Variants in DISC1 observed in about 807,000 individuals in gnomAD.
DISC1 encodes the protein DISC1 scaffold protein.
Under a neutral mutation model 84.5 loss-of-function variants are expected in DISC1, and 57 were observed. That is an observed-to-expected ratio of 0.67 (90% CI 0.55 to 0.84). The LOEUF is 0.84. DISC1 is among the 40% of genes least tolerant of loss of function. The pLI, the probability that DISC1 is intolerant of heterozygous loss-of-function variation, is 0.00. For synonymous variants in DISC1, 411 were observed against 415.2 expected (o/e 0.99, Z 0.12); for missense variants, 1,000 against 1,057.8 (o/e 0.95, Z 0.76).
intron 8 of DISC1, among the ~76,000 whole-genome samples, chr1:231,803,426 T>C (rs151177425): frequency 0.013 from 1,961 of 152,254 alleles, 36 homozygotes; most frequent in African/African-American, 0.044. Flanking sequence ...GTGACTTAGC[T>C]GGGTGGCTCT....
intron 3 of DISC1, among the ~76,000 whole-genome samples, chr1:231,742,231 G>T (rs2073374369): frequency 6.6e-6 from 1 of 152,126 alleles, no homozygotes; most frequent in Admixed American, 6.5e-5. Context: ...AGCTCCCTCT[G>T]CCTGGAATAT....
chr1:231,771,214 G>A (rs1170290409), intron 6 of DISC1, 144 bp downstream of exon 6: 1 of 1,450,162 alleles, frequency 6.9e-7, no homozygotes, highest in African/African-American at 1.4e-5. Context: ...GTTTTGGGTG[G>A]GAAAATTCTT....
intron 9 of DISC1, among the ~76,000 whole-genome samples, chr1:231,883,568 C>T (rs2086450513): frequency 6.6e-6 from 1 of 152,112 alleles, no homozygotes; most frequent in Non-Finnish European, 1.5e-5. Flanking sequence ...CTGAAGGCCT[C>T]AAGGGGCCAC....
chr1:231,959,811 G>A (rs968906080), intron 10 of DISC1, among the ~76,000 whole-genome samples: 19 of 152,198 alleles, frequency 1.2e-4, no homozygotes, highest in African/African-American at 4.6e-4. Flanking sequence ...CAGGTGGTTA[G>A]CAGAGGTGAG....
At chr1:231,896,334 A>G (rs1405205928) in intron 9 of DISC1, among the ~76,000 whole-genome samples, 4 of 152,206 alleles carry the variant, frequency 2.6e-5, no homozygotes, top group Non-Finnish European at 5.9e-5. Flanking sequence ...AGCATAAAAC[A>G]GCTGCCCATT....
intron 9 of DISC1, among the ~76,000 whole-genome samples, chr1:231,912,425 T>C (rs1176979406): frequency 6.6e-6 from 1 of 152,228 alleles, no homozygotes; most frequent in Non-Finnish European, 1.5e-5. Context: ...TGCAGGTCTG[T>C]TGGAGTTTGC....
intron 9 of DISC1, among the ~76,000 whole-genome samples, chr1:231,937,883 C>G (rs1332727149): frequency 1.3e-5 from 2 of 151,656 alleles, no homozygotes; most frequent in South Asian, 2.1e-4. Context: ...AAATCCCACT[C>G]AATTCTTCAA....
At chr1:231,628,478 G>C (rs911222683) in intron 1 of DISC1, among the ~76,000 whole-genome samples, 3 of 152,194 alleles carry the variant, frequency 2.0e-5, no homozygotes, top group Non-Finnish European at 4.4e-5. Context: ...AACTTACAAT[G>C]TGCCAGACAT....
At chr1:231,835,648 A>G (rs940436523) in intron 9 of DISC1, among the ~76,000 whole-genome samples, 1 of 152,196 alleles carries the variant, frequency 6.6e-6, no homozygotes, top group African/African-American at 2.4e-5. Flanking sequence ...GAGGCCTGAC[A>G]GTGTGTTGTC....
chr1:231,777,167 G>T (rs912856414), intron 6 of DISC1, among the ~76,000 whole-genome samples: 2 of 152,138 alleles, frequency 1.3e-5, no homozygotes, highest in African/African-American at 2.4e-5. Flanking sequence ...AGAAAGAGGA[G>T]AGCTTTGCAT....
At chr1:231,709,146 G>A (rs1206950187) in intron 3 of DISC1, among the ~76,000 whole-genome samples, 1 of 152,192 alleles carries the variant, frequency 6.6e-6, no homozygotes, top group Non-Finnish European at 1.5e-5. Flanking sequence ...TTACAATTCT[G>A]TAAGTTAAAG....
Position 231,954,885 on chromosome 1 carries a change from G to A in DISC1, c.1982-3943G>A, listed in dbSNP as rs1258287544. On this transcript the variant is annotated intron_variant, in intron 9 of 12. Coordinates refer to ENST00000439617, the MANE Select transcript of DISC1 (RefSeq NM_018662.3). This position sits in a 1 kb window ranked among gnomAD's most constrained non-coding sequence, Gnocchi z 4.8. ...GGCTGTCTGGCTGGGAGATAAGTTGGGTCCAAAGAAAGTAATAGTTCAACA... is the reference window on the plus strand; with the variant it reads ...GGCTGTCTGGCTGGGAGATAAGTTGAGTCCAAAGAAAGTAATAGTTCAACA... Among the ~76,000 whole-genome samples the A allele has an allele frequency of 6.6e-6, 1 of 152,140 alleles. No homozygotes were observed. Among genetic ancestry groups the A allele is most frequent in the African/African-American group, 2.4e-5 (1 of 41,422 alleles).
intron 1 of DISC1, among the ~76,000 whole-genome samples, chr1:231,659,166 T>C (rs1035185151): frequency 6.6e-6 from 1 of 152,182 alleles, no homozygotes; most frequent in African/African-American, 2.4e-5. Flanking sequence ...GAACTCATTA[T>C]TGGTCTATTC....
chr1:231,875,429 TCTG>T (rs2085809032), intron 9 of DISC1, among the ~76,000 whole-genome samples: 1 of 152,176 alleles, frequency 6.6e-6, no homozygotes, highest in Non-Finnish European at 1.5e-5. Context: ...TCTGGCAATG[TCTG>T]CTGCTGTAAG....
chr1:231,704,759 CAAAAAAA>C (rs146300199), intron 3 of DISC1, among the ~76,000 whole-genome samples: 4 of 24,326 alleles, frequency 1.6e-4, no homozygotes, highest in Non-Finnish European at 3.2e-4. Context: ...GACTCCGTCT[CAAAAAAA>C]AAAAAAAAAA....
chr1:231,825,920 A>G (rs1249515450), intron 9 of DISC1, among the ~76,000 whole-genome samples: 1 of 152,192 alleles, frequency 6.6e-6, no homozygotes, highest in Non-Finnish European at 1.5e-5. Flanking sequence ...GTGTATATTC[A>G]GTATGTATTT....
chr1:231,773,056 G>T (rs1371254712), intron 6 of DISC1, among the ~76,000 whole-genome samples: 1 of 152,188 alleles, frequency 6.6e-6, no homozygotes, highest in East Asian at 1.9e-4. Flanking sequence ...TGCAACTGAG[G>T]AATCAAAAAC....
chr1:231,913,404 G>T (rs1453360340), intron 9 of DISC1, among the ~76,000 whole-genome samples: 1 of 152,214 alleles, frequency 6.6e-6, no homozygotes, highest in Non-Finnish European at 1.5e-5. Context: ...AGCCTGTATT[G>T]CAGGCTTTGG....
intron 9 of DISC1, among the ~76,000 whole-genome samples, chr1:231,878,901 G>A (rs1296860887): frequency 6.6e-6 from 1 of 152,056 alleles, no homozygotes. Context: ...TCTGTGCCTG[G>A]CTTCTTTCAC....
Sources: allele counts gnomAD v4.1 joint callset (sites outside exome capture counted in the v4.1 genomes callset), GRCh38; gene constraint gnomAD v4.1.1; non-coding constraint Gnocchi (gnomAD v3.1); transcripts MANE v1.5; gene names NCBI Gene and HGNC (gene_info 2026-07-23, HGNC 2026-07-21).